Variants in SMAP2 observed in about 807,000 individuals in gnomAD.
The protein encoded by SMAP2 is stromal membrane-associated protein 2.
Under a neutral mutation model 56.4 loss-of-function variants are expected in SMAP2, and 25 were observed. That is an observed-to-expected ratio of 0.44 (90% confidence interval 0.32 to 0.62). The LOEUF (loss-of-function observed/expected upper bound fraction) is 0.62. Ranked by LOEUF, SMAP2 falls within the 20% of genes least tolerant of loss-of-function variation. The pLI is 0.04. For missense variants in SMAP2, 388 were observed against 545.6 expected, an observed-to-expected ratio of 0.71 and a Z score of 2.88; for synonymous variants, 157 against 181.7, an observed-to-expected ratio of 0.86 and a Z score of 1.09.
intron 1 of SMAP2, chr1:40,393,412 G>C (rs755889995): frequency 6.9e-5 from 106 of 1,535,632 alleles, no homozygotes; most frequent in Non-Finnish European, 8.9e-5. Flanking sequence ...AGGAGAAAAG[G>C]CTTCATGGGG....
In SMAP2 at chr1:40,408,865, C is replaced by CA. The variant is rs941399853; in HGVS notation, c.323+127_323+128insA. ...TGGATTAGTCAGTGTCCTTGCTTGT[C>CA]CTCTGTCCTGCAATCAAGGTGCACA... On this transcript the variant is annotated intron_variant, in intron 3 of 9. Coordinates refer to ENST00000372718, the MANE Select transcript of SMAP2 (RefSeq NM_022733.3). This position sits in a 1 kb window ranked among gnomAD's most constrained non-coding sequence, Gnocchi z 4.3. 2.9e-6 allele frequency: 2 copies of CA among 698,514 alleles called. No individual in the cohort carries two copies. Among genetic ancestry groups the CA allele is most frequent in the African/African-American group, 3.6e-5 (2 of 55,680 alleles). 43.3% of individuals were successfully genotyped at this position (698,514 alleles called of 1,614,324 possible).
intron 1 of SMAP2, among the ~76,000 whole-genome samples, chr1:40,348,633 C>T (rs930000899): frequency 6.6e-6 from 1 of 151,892 alleles, no homozygotes; most frequent in Non-Finnish European, 1.5e-5. Context: ...GCAGAGATGG[C>T]GCCGCTTCAC....
intron 1 of SMAP2, among the ~76,000 whole-genome samples, chr1:40,361,603 C>T (rs1193461515): frequency 1.3e-5 from 2 of 152,158 alleles, no homozygotes; most frequent in South Asian, 2.1e-4. Flanking sequence ...GCCCACTGCC[C>T]TGAAGGGAGA....
chr1:40,393,326 A>T, intron 1 of SMAP2: 1 of 1,523,570 alleles, frequency 6.6e-7, no homozygotes, highest in Non-Finnish European at 8.8e-7. Context: ...CAAACAAAAA[A>T]CCCAACAACA....
chr1:40,393,537 CTAACTTTTT>C (rs1557835748), intron 1 of SMAP2: 11 of 954,582 alleles, frequency 1.2e-5, no homozygotes, highest in Non-Finnish European at 1.6e-5. Context: ...AGTAGTTCTT[CTAACTTTTT>C]TTTTTTTTTT....
chr1:40,403,585 G>A, intron 1 of SMAP2: 1 of 862,060 alleles, frequency 1.2e-6, no homozygotes, highest in Non-Finnish European at 1.4e-6. Context: ...GAGTTAACTG[G>A]CCCTTATCAG....
At chr1:40,356,826 G>A (rs986815188) in intron 1 of SMAP2, among the ~76,000 whole-genome samples, 3 of 152,104 alleles carry the variant, frequency 2.0e-5, no homozygotes, top group Admixed American at 6.5e-5. Context: ...TCTAGTGTTC[G>A]TTATTGCCTG....
chr1:40,409,674 A>C, intron 3 of SMAP2, 83 bp from the exon 4 acceptor site: 1 of 957,082 alleles, frequency 1.0e-6, no homozygotes, highest in African/African-American at 1.6e-5. Flanking sequence ...GAGGAGAACA[A>C]TGCTCCGTGG....
intron 1 of SMAP2, among the ~76,000 whole-genome samples, chr1:40,358,724 A>G (rs1431002940): frequency 6.6e-6 from 1 of 152,192 alleles, no homozygotes; most frequent in Non-Finnish European, 1.5e-5. Flanking sequence ...AATGTTTTGT[A>G]TCTATTAGGT....
intron 4 of SMAP2, 21 bp downstream of exon 4, chr1:40,409,856 G>A (rs370249461): frequency 3.5e-4 from 522 of 1,508,592 alleles, no homozygotes; most frequent in Middle Eastern, 1.0e-3. Context: ...CATCTTTCAA[G>A]TTTTGTCCAC....
In SMAP2 at chr1:40,416,812, C is replaced by T. The variant is rs368915144; in HGVS notation, c.880C>T (p.Pro294Ser). Reference protein sequence around the residue: ...MFMAPAQMAYPTAYPSFPGVT... With the variant: ...MFMAPAQMAYSTAYPSFPGVT... Reference sequence around the variant, plus strand: ...CATGGCTCCCGCTCAGATGGCATATCCCACAGCCTACCCCAGCTTCCCCGG... The same window carrying T: ...CATGGCTCCCGCTCAGATGGCATATTCCACAGCCTACCCCAGCTTCCCCGG... Residue 294 changes from proline (P) to serine (S), a missense_variant, in exon 9 of 10, where the codon CCC (proline) becomes TCC (serine). Physicochemically the swap from Pro to Ser is moderately conservative, Grantham distance 74. Coordinates refer to ENST00000372718, the MANE Select transcript of SMAP2 (RefSeq NM_022733.3). 1 of 1,607,788 alleles carries T rather than the reference C, an allele frequency of 6.2e-7. No individual in the cohort carries two copies. The highest frequency in any genetic ancestry group is 8.5e-7 in the Non-Finnish European group (1 of 1,174,826).
intron 1 of SMAP2, among the ~76,000 whole-genome samples, chr1:40,346,914 A>G (rs1644388453): frequency 6.6e-6 from 1 of 151,644 alleles, no homozygotes; most frequent in East Asian, 1.9e-4. Flanking sequence ...GGAGTGCACA[A>G]TCATAGCTCA....
chr1:40,362,095 C>A (rs1323238735), intron 1 of SMAP2, among the ~76,000 whole-genome samples: 1 of 152,122 alleles, frequency 6.6e-6, no homozygotes, highest in Non-Finnish European at 1.5e-5. Context: ...AGAGTATGAC[C>A]AGAATGTGAT....
chr1:40,348,449 C>T (rs1207266993), intron 1 of SMAP2, among the ~76,000 whole-genome samples: 1 of 152,078 alleles, frequency 6.6e-6, no homozygotes, highest in Admixed American at 6.6e-5. Flanking sequence ...AATCCTAGCA[C>T]TTTGGGAGGC....
upstream of SMAP2, among the ~76,000 whole-genome samples, chr1:40,373,192 G>C (rs1009152188): frequency 6.6e-6 from 1 of 152,196 alleles, no homozygotes; most frequent in African/African-American, 2.4e-5. Flanking sequence ...ACAGAGGAGA[G>C]CTAATGAGTA....
chr1:40,377,031 A>G (rs544762103), intron 1 of SMAP2, among the ~76,000 whole-genome samples: 1 of 152,116 alleles, frequency 6.6e-6, no homozygotes, highest in Non-Finnish European at 1.5e-5. Flanking sequence ...CAAACCTGTA[A>G]TCCCAGCACT....
intron 1 of SMAP2, among the ~76,000 whole-genome samples, chr1:40,390,747 T>C (rs563325766): frequency 2.6e-5 from 4 of 152,348 alleles, no homozygotes; most frequent in Admixed American, 2.6e-4. Context: ...TCAGTCCAGC[T>C]GATCCTTTCT....
chr1:40,404,189 T>C (rs529008673), intron 1 of SMAP2, among the ~76,000 whole-genome samples: 121 of 152,340 alleles, frequency 7.9e-4, no homozygotes, highest in Non-Finnish European at 2.2e-4. Flanking sequence ...TTTTCTTTTC[T>C]CTAATTTCAG....
rs749647564 is a variant in SMAP2, at chr1:40,373,997, G to A, written c.-124G>A. ...GGGCGTCCGGCGGGGCCGGAGGAGA[G>A]GGCTCTCCCCGCTCAGGAGGTGCCC... On this transcript the variant is annotated 5_prime_UTR_variant, in exon 1 of 10. Transcript: ENST00000372718. The A allele has an allele frequency of 7.3e-4, 508 of 699,258 alleles. No homozygotes were observed. The highest frequency in any genetic ancestry group is 9.7e-4 in the Admixed American group (36 of 37,292). The allele number at this position is 699,258 out of a possible 1,614,324, so 43.3% of individuals were successfully genotyped here.
Sources: allele counts gnomAD v4.1 joint callset (sites outside exome capture counted in the v4.1 genomes callset), GRCh38; gene constraint gnomAD v4.1.1; non-coding constraint Gnocchi (gnomAD v3.1); transcripts MANE v1.5; gene names NCBI Gene and HGNC (gene_info 2026-07-23, HGNC 2026-07-21).